The following DPP8 variants were observed in gnomAD, a reference collection of about 807,000 sequenced individuals.
DPP8 encodes DPP VIII.
In DPP8, 31 loss-of-function variants were observed where a neutral mutation model predicts 107.5. That is an observed-to-expected ratio of 0.29 (90% confidence interval 0.22 to 0.39). The LOEUF (loss-of-function observed/expected upper bound fraction) is 0.39, where lower values mean the gene tolerates loss of function less well. DPP8 is among the 10% of genes least tolerant of loss of function. DPP8 has a pLI of 1.00. For synonymous variants in DPP8, 381 were observed against 356.6 expected (o/e 1.07, Z -0.77); for missense variants, 842 against 1,076.1 (o/e 0.78, Z 3.04).
Position 65,517,610 on chromosome 15 carries a change from C to T in DPP8, c.-136G>A, listed in dbSNP as rs1328649125. The T allele has an allele frequency of 6.6e-6, 1 of 152,586 alleles. No individual in the cohort carries two copies. The highest frequency in any genetic ancestry group is 1.5e-5 in the Non-Finnish European group (1 of 68,376). The allele number at this position is 152,586 out of a possible 1,614,324, so 9.5% of individuals were successfully genotyped here. ...GCTTCCTCGGCGGCGGCGCCGGTGA[C>T]AACCCAGGCGGCGAACGCGGCACTA... On this transcript the variant is annotated 5_prime_UTR_variant, in exon 1 of 20. Coordinates refer to ENST00000300141, the MANE Select transcript of DPP8 (RefSeq NM_130434.5).
At chr15:65,493,429 C>T (rs2068247336) in intron 5 of DPP8, among the ~76,000 whole-genome samples, 1 of 152,136 alleles carries the variant, frequency 6.6e-6, no homozygotes, top group Admixed American at 6.6e-5. Flanking sequence ...TATGTAATAT[C>T]TCCAGCAGGG....
intron 5 of DPP8, among the ~76,000 whole-genome samples, chr15:65,491,500 T>A (rs1220345709): frequency 1.4e-4 from 21 of 152,208 alleles, no homozygotes; most frequent in Non-Finnish European, 2.9e-5. Flanking sequence ...AAACAATCAC[T>A]GATCTGATTT....
intron 1 of DPP8, among the ~76,000 whole-genome samples, chr15:65,514,719 C>G: frequency 6.6e-6 from 1 of 152,148 alleles, no homozygotes; most frequent in East Asian, 1.9e-4. Flanking sequence ...ACCATCTTGG[C>G]CAGGCTGGTC....
chr15:65,501,282 T>G (rs2069208902), intron 3 of DPP8, among the ~76,000 whole-genome samples: 1 of 152,216 alleles, frequency 6.6e-6, no homozygotes, highest in South Asian at 2.1e-4. Context: ...TTAGGAAGTC[T>G]GCTGAAAGAT....
At chr15:65,510,780 C>T (rs2070671770) in intron 2 of DPP8, among the ~76,000 whole-genome samples, 1 of 152,198 alleles carries the variant, frequency 6.6e-6, no homozygotes, top group Admixed American at 6.5e-5. Context: ...CTCAAGTGAT[C>T]CGCCAGCCAT....
At chr15:65,466,944 A>G in intron 13 of DPP8, 127 bp downstream of exon 13, 1 of 1,402,296 alleles carries the variant, frequency 7.1e-7, no homozygotes, top group Non-Finnish European at 9.7e-7. Flanking sequence ...TGTTGAAATT[A>G]AGCTTTTTAA....
In DPP8 at chr15:65,485,109, G is replaced by A; in HGVS notation, c.1007C>T (p.Ala336Val). ...TFKMSEIMID[A>V]EGRIIDVIDK... Reference sequence around the variant, plus strand: ...GCATTTTATACTTACCCTTCCTTCAGCATCAATCATTATTTCTGACATCTT... The same window carrying A: ...GCATTTTATACTTACCCTTCCTTCAACATCAATCATTATTTCTGACATCTT... Residue 336 changes from alanine to valine, a missense_variant, in exon 8 of 20, where the codon GCT becomes GTT. Transcript: ENST00000300141. 3 of 1,609,226 alleles carry A rather than the reference G, an allele frequency of 1.9e-6. No homozygotes were observed. The highest frequency in any genetic ancestry group is 2.6e-6 in the Non-Finnish European group (3 of 1,175,664).
rs1203971665 is a variant in DPP8, at chr15:65,466,798, T to C, written c.1705A>G (p.Ile569Val). ...CCISQHCDFFISKYSNQKNPH... is the reference protein window; with the variant it reads ...CCISQHCDFFVSKYSNQKNPH... ...TTCTTCTGGTTACTATACTTACTTA[T>C]AAAGAAGTCACAGTGCTAGAGAAAG... The change falls in exon 14 of 20, where the codon ATA becomes GTA. Residue 569 changes from isoleucine to valine, a missense_variant. Physicochemically the swap from Ile to Val is conservative, Grantham distance 29. Transcript: ENST00000300141. 1.2e-6 allele frequency: 2 copies of C among 1,613,284 alleles called. No individual in the cohort carries two copies. The highest frequency in any genetic ancestry group is 1.7e-6 in the Non-Finnish European group (2 of 1,179,742).
chr15:65,471,010 G>A (rs916129825), intron 12 of DPP8, among the ~76,000 whole-genome samples: 4 of 151,898 alleles, frequency 2.6e-5, no homozygotes, highest in East Asian at 1.9e-4. Context: ...ACTGATAAAC[G>A]TAGTGGCAAG....
chr15:65,481,699 C>A, intron 8 of DPP8, 84 bp from the exon 9 acceptor site: 1 of 831,732 alleles, frequency 1.2e-6, no homozygotes, highest in Non-Finnish European at 1.8e-6. Context: ...ACAATTTATC[C>A]AAAAAGCAGA....
At chr15:65,510,766 T>C (rs2070670224) in intron 2 of DPP8, among the ~76,000 whole-genome samples, 1 of 152,182 alleles carries the variant, frequency 6.6e-6, no homozygotes, top group South Asian at 2.1e-4. Context: ...CTCAAACTCC[T>C]GACCTCAAGT....
At chr15:65,481,005 G>A (rs992871872) in intron 9 of DPP8, among the ~76,000 whole-genome samples, 3 of 151,886 alleles carry the variant, frequency 2.0e-5, no homozygotes, top group Non-Finnish European at 4.4e-5. Context: ...GATAGCTTTA[G>A]CCAGGGAGGT....
rs572063587 is a variant in DPP8, at chr15:65,451,861, G to A, written c.2414+99C>T. 5.4e-5 allele frequency: 66 copies of A among 1,233,172 alleles called. No individual in the cohort carries two copies. The African/African-American group carries it at 7.8e-4, about 15-fold the overall frequency. 76.4% of individuals were successfully genotyped at this position (1,233,172 alleles called of 1,614,324 possible). On this transcript the variant is annotated intron_variant, in intron 18 of 19. Transcript: ENST00000300141. ...GATCCTCTGAGCCCAGGAGTTTGAC[G>A]CTGCAGGGAGCCCTGATCATGCCAC...
At chr15:65,477,583 G>A (rs1336758843) in intron 11 of DPP8, among the ~76,000 whole-genome samples, 1 of 144,024 alleles carries the variant, frequency 6.9e-6, no homozygotes, top group Admixed American at 7.1e-5. Context: ...ACACTGGAGT[G>A]CAGTGGCGCG....
In DPP8 at chr15:65,442,542, G is replaced by T. The variant is rs2063334918; in HGVS notation, c.*4342C>A. On this transcript the variant is annotated 3_prime_UTR_variant, in exon 20 of 20. Transcript: ENST00000300141. ...AGAAAACTAATGTTTCACTTTACAT[G>T]ATTAAAAGCCATATACCTAAAAATG... 1.3e-5 allele frequency: 2 copies of T among 152,268 alleles called. No individual in the cohort carries two copies. Among genetic ancestry groups the T allele is most frequent in the South Asian group, 2.1e-4 (1 of 4,826 alleles). 9.4% of individuals were successfully genotyped at this position (152,268 alleles called of 1,614,324 possible). A position where few individuals can be genotyped will look rare whatever the true frequency, so the allele number is the denominator to read the frequency against.
At chr15:65,489,673 C>T (rs187870020) in intron 6 of DPP8, among the ~76,000 whole-genome samples, 1 of 151,152 alleles carries the variant, frequency 6.6e-6, no homozygotes, top group African/African-American at 2.4e-5. Context: ...CTGCCTCAGC[C>T]TTCCAAAGTG....
intron 5 of DPP8, among the ~76,000 whole-genome samples, chr15:65,494,306 C>A (rs528361972): frequency 3.6e-4 from 54 of 151,956 alleles, no homozygotes; most frequent in Admixed American, 6.6e-4. Flanking sequence ...GCCTGACTAT[C>A]CATGCTCAAG....
At chr15:65,504,145 C>T (rs1420528490) in intron 3 of DPP8, among the ~76,000 whole-genome samples, 5 of 146,920 alleles carry the variant, frequency 3.4e-5, no homozygotes, top group African/African-American at 1.0e-4. Context: ...GGAGGATCAC[C>T]TGAGGTCGGA....
At chr15:65,501,658 A>G (rs1380069273) in intron 3 of DPP8, among the ~76,000 whole-genome samples, 1 of 152,138 alleles carries the variant, frequency 6.6e-6, no homozygotes, top group Non-Finnish European at 1.5e-5. Context: ...TTTCCACTAC[A>G]CTAGCAATAC....
Sources: gnomAD v4.1 joint callset for allele counts (sites outside exome capture counted in the v4.1 genomes callset) on GRCh38, gnomAD v4.1.1 for gene constraint, MANE v1.5 for transcripts, NCBI Gene and HGNC (gene_info 2026-07-23, HGNC 2026-07-21) for gene names.